Variants in SPOCK3 observed in about 807,000 individuals in gnomAD.
SPOCK3 encodes SPARC (osteonectin), cwcv and kazal like domains proteoglycan 3, also known as testican-3.
Under a neutral mutation model 56.6 loss-of-function variants are expected in SPOCK3, and 30 were observed. The observed-to-expected ratio is 0.53, with a 90% CI of 0.40 to 0.72. SPOCK3 has a LOEUF of 0.72. SPOCK3 is among the 30% of genes least tolerant of loss of function. The pLI, the probability that SPOCK3 is intolerant of heterozygous loss-of-function variation, is 0.00. For missense variants in SPOCK3, 527 were observed against 530.0 expected (o/e 0.99, Z 0.06); for synonymous variants, 196 against 183.3 (o/e 1.07, Z -0.56).
At chr4:166,807,909 T>G (rs991145009) in intron 6 of SPOCK3, among the ~76,000 whole-genome samples, 6 of 152,116 alleles carry the variant, frequency 3.9e-5, no homozygotes, top group Non-Finnish European at 8.8e-5. Context: ...TCTATACTAG[T>G]TTTGATAGCA....
chr4:167,090,762 C>G (rs1758633825), intron 2 of SPOCK3, among the ~76,000 whole-genome samples: 1 of 152,104 alleles, frequency 6.6e-6, no homozygotes, highest in Admixed American at 6.6e-5. Flanking sequence ...CTCGTCCTCC[C>G]AAAGTGCTGG....
intron 4 of SPOCK3, among the ~76,000 whole-genome samples, chr4:166,934,879 T>C (rs961659871): frequency 6.6e-6 from 1 of 151,264 alleles, no homozygotes; most frequent in African/African-American, 2.4e-5. Flanking sequence ...TGCACTTTTA[T>C]ATAGAAAGCT....
intron 3 of SPOCK3, among the ~76,000 whole-genome samples, chr4:167,006,368 T>A (rs2150137093): frequency 6.6e-6 from 1 of 152,274 alleles, no homozygotes; most frequent in Admixed American, 6.5e-5. Context: ...CTGACCTTTA[T>A]ATTCTCTATA....
chr4:167,168,027 G>A (rs182978892), intron 2 of SPOCK3, among the ~76,000 whole-genome samples: 134 of 152,190 alleles, frequency 8.8e-4, no homozygotes, highest in African/African-American at 2.9e-3. Flanking sequence ...CCCTGCACAA[G>A]CTCTCTTGCC....
rs551516041 is a variant in SPOCK3 at position 166,744,206 on chromosome 4, T to C, written c.932-2147A>G. On this transcript the variant is annotated intron_variant, in intron 8 of 10. Coordinates refer to ENST00000357545, the MANE Select transcript of SPOCK3 (RefSeq NM_001040159.2). The stretch of plus-strand genomic sequence containing the variant: ...AGCCTAACTGGGAGATACCTCCCAA[T>C]AGGGGCTGACTGACACCTCATACAG... Among the ~76,000 whole-genome samples the C allele has an allele frequency of 5.9e-5, 9 of 152,192 alleles. No individual in the cohort carries two copies. In the South Asian group the frequency reaches 1.4e-3, roughly 25 times the overall value.
chr4:166,779,616 C>A (rs1739945020), intron 7 of SPOCK3, among the ~76,000 whole-genome samples: 1 of 151,504 alleles, frequency 6.6e-6, no homozygotes, highest in South Asian at 2.1e-4. Context: ...CTAAATAGAA[C>A]CTCAGGGAAC....
intron 2 of SPOCK3, among the ~76,000 whole-genome samples, chr4:167,063,742 T>C (rs2150249457): frequency 1.3e-5 from 2 of 152,022 alleles, no homozygotes; most frequent in African/African-American, 4.8e-5. Flanking sequence ...TACACATTAT[T>C]TAGCTCCTAC....
intron 6 of SPOCK3, among the ~76,000 whole-genome samples, chr4:166,888,815 GA>G (rs1402355013): frequency 6.7e-6 from 1 of 149,800 alleles, no homozygotes; most frequent in African/African-American, 2.4e-5. Flanking sequence ...TGCTCTAAAA[GA>G]AAAAAATGAT....
chr4:167,091,078 A>G (rs1180982886), intron 2 of SPOCK3, among the ~76,000 whole-genome samples: 2 of 152,168 alleles, frequency 1.3e-5, no homozygotes, highest in Non-Finnish European at 2.9e-5. Context: ...ATACTTAATG[A>G]TAGCTAAGTA....
intron 2 of SPOCK3, among the ~76,000 whole-genome samples, chr4:167,072,506 G>C (rs899669426): frequency 1.3e-5 from 2 of 151,732 alleles, no homozygotes; most frequent in Admixed American, 6.6e-5. Context: ...AAATGAGAAA[G>C]CAATATTTAA....
intron 3 of SPOCK3, among the ~76,000 whole-genome samples, chr4:167,046,140 T>C (rs1419996519): frequency 6.6e-6 from 1 of 152,150 alleles, no homozygotes; most frequent in Admixed American, 6.6e-5. Flanking sequence ...TTTGACTCTT[T>C]TTGCTTGCAT....
chr4:167,126,143 G>T (rs1487525627), intron 2 of SPOCK3, among the ~76,000 whole-genome samples: 2 of 152,200 alleles, frequency 1.3e-5, no homozygotes, highest in African/African-American at 4.8e-5. Flanking sequence ...AGAGGCAACA[G>T]TCTGCCCAAA....
At chr4:167,228,475 C>A (rs1736816878) in intron 2 of SPOCK3, among the ~76,000 whole-genome samples, 1 of 152,112 alleles carries the variant, frequency 6.6e-6, no homozygotes, top group African/African-American at 2.4e-5. Context: ...ATTCATACCT[C>A]CTGACAGAGT....
At chr4:167,002,008 G>T (rs1341213969) in intron 3 of SPOCK3, among the ~76,000 whole-genome samples, 1 of 152,008 alleles carries the variant, frequency 6.6e-6, no homozygotes, top group East Asian at 1.9e-4. Flanking sequence ...GCCCTGGCTA[G>T]AGTTCAGTGG....
intron 2 of SPOCK3, among the ~76,000 whole-genome samples, chr4:167,104,821 A>G (rs1375940046): frequency 6.6e-6 from 1 of 151,744 alleles, no homozygotes; most frequent in Non-Finnish European, 1.5e-5. Flanking sequence ...AGGATAAACG[A>G]TCCCAAAAGC....
At chr4:167,206,653 T>G (rs560271054) in intron 2 of SPOCK3, among the ~76,000 whole-genome samples, 1 of 152,214 alleles carries the variant, frequency 6.6e-6, no homozygotes, top group Non-Finnish European at 1.5e-5. Context: ...AATGAAATAT[T>G]ATATCAACTG....
intron 4 of SPOCK3, among the ~76,000 whole-genome samples, chr4:166,973,072 G>A (rs1316123866): frequency 6.6e-6 from 1 of 152,072 alleles, no homozygotes; most frequent in Non-Finnish European, 1.5e-5. Context: ...GGGACTTGGT[G>A]GGAGGTGATT....
intron 6 of SPOCK3, among the ~76,000 whole-genome samples, chr4:166,850,458 G>A (rs1032990504): frequency 2.0e-5 from 3 of 152,334 alleles, no homozygotes; most frequent in African/African-American, 4.8e-5. Flanking sequence ...TGAATTTCGG[G>A]AGGAGCCAAG....
chr4:166,973,009 C>T (rs897845993), intron 4 of SPOCK3, among the ~76,000 whole-genome samples: 3 of 152,026 alleles, frequency 2.0e-5, no homozygotes, highest in African/African-American at 7.2e-5. Flanking sequence ...GTTTACCCAC[C>T]GAAATCTCAT....
Sources: gnomAD v4.1 joint callset for allele counts (sites outside exome capture counted in the v4.1 genomes callset) on GRCh38, gnomAD v4.1.1 for gene constraint, MANE v1.5 for transcripts, NCBI Gene and HGNC (gene_info 2026-07-23, HGNC 2026-07-21) for gene names.